Variants in AMPD3 observed in about 807,000 individuals in gnomAD.
AMPD3 encodes AMP deaminase 3.
A neutral mutation model predicts 82.3 loss-of-function variants in AMPD3; 57 were observed. That is an observed-to-expected ratio of 0.69 (90% confidence interval 0.56 to 0.86). AMPD3 has a LOEUF of 0.86. AMPD3 is among the 40% of genes least tolerant of loss of function. The probability of loss-of-function intolerance (pLI) is 0.00; values close to 1 mark genes in which losing one functional copy is unlikely to be tolerated. For synonymous variants in AMPD3, 381 were observed against 394.7 expected, an observed-to-expected ratio of 0.97 and a Z score of 0.41; for missense variants, 870 against 1,003.8, an observed-to-expected ratio of 0.87 and a Z score of 1.80.
intron 14 of AMPD3, chr11:10,504,977 T>C (rs1297388689): frequency 3.2e-6 from 1 of 309,584 alleles, no homozygotes; most frequent in Non-Finnish European, 4.7e-6. Flanking sequence ...AGTTATGTGT[T>C]TTTCTGTCTT....
intron 6 of AMPD3, among the ~76,000 whole-genome samples, chr11:10,492,157 G>A (rs1211778921): frequency 6.6e-6 from 1 of 152,236 alleles, no homozygotes; most frequent in Non-Finnish European, 1.5e-5. Flanking sequence ...CCCATGAGGT[G>A]TTTTGAGACC....
chr11:10,488,183 A>G (rs904453190), intron 6 of AMPD3: 2 of 985,190 alleles, frequency 2.0e-6, no homozygotes, highest in Non-Finnish European at 2.4e-6. Context: ...AGGGGCCGCA[A>G]CTGCGGTAGG....
intron 9 of AMPD3, chr11:10,496,276 C>T (rs930568837): frequency 7.1e-6 from 7 of 985,262 alleles, no homozygotes; most frequent in African/African-American, 5.2e-5. Context: ...GGAACTACTA[C>T]CCCCGCCTTC....
intron 6 of AMPD3, among the ~76,000 whole-genome samples, chr11:10,489,771 C>T (rs188255510): frequency 1.0e-3 from 158 of 152,176 alleles, no homozygotes; most frequent in African/African-American, 3.6e-3. Flanking sequence ...ACCTCAGCCT[C>T]CTGGGTTCAA....
Position 10,506,586 on chromosome 11 carries a change from G to A in AMPD3, c.*702G>A, listed in dbSNP as rs1413729331. The A allele has an allele frequency of 6.5e-6, 1 of 153,294 alleles. No individual in the cohort carries two copies. Among genetic ancestry groups the A allele is most frequent in the Non-Finnish European group, 1.5e-5 (1 of 68,596 alleles). The allele number at this position is 153,294 out of a possible 1,614,324, so 9.5% of individuals were successfully genotyped here. A position where few individuals can be genotyped will look rare whatever the true frequency, so the allele number is the denominator to read the frequency against. ...CATGAATACTTTAGGGTAGGGGAGG[G>A]AAGGGAGTGAGTGATGCTCAGGGGC... On this transcript the variant is annotated 3_prime_UTR_variant, in exon 15 of 15. Coordinates refer to ENST00000396553, the MANE Select transcript of AMPD3 (RefSeq NM_001025389.2). The surrounding 1 kb of genome is among the most constrained non-coding windows in gnomAD (Gnocchi z 4.1).
chr11:10,455,181 G>T, upstream of AMPD3: 10 of 985,410 alleles, frequency 1.0e-5, no homozygotes, highest in Non-Finnish European at 1.1e-5. Context: ...CACAGAAATA[G>T]CCATTTTGCT....
intron 2 of AMPD3, among the ~76,000 whole-genome samples, chr11:10,462,857 A>G (rs1420712193): frequency 2.0e-5 from 3 of 152,192 alleles, no homozygotes; most frequent in Non-Finnish European, 2.9e-5. Flanking sequence ...CCTTCCAGAT[A>G]GAAGAATCAG....
intron 2 of AMPD3, among the ~76,000 whole-genome samples, chr11:10,475,652 G>T (rs911245639): frequency 6.6e-6 from 1 of 152,166 alleles, no homozygotes; most frequent in African/African-American, 2.4e-5. Flanking sequence ...AGATAGGGGG[G>T]TTATTGGTAG....
intron 1 of AMPD3, among the ~76,000 whole-genome samples, chr11:10,459,057 T>TC (rs918261247): frequency 2.6e-5 from 4 of 151,974 alleles, no homozygotes; most frequent in Admixed American, 2.0e-4. Flanking sequence ...GCCTCCAGCT[T>TC]CCCCCCTCTC....
chr11:10,493,440 C>A lies in AMPD3; in HGVS notation c.1031C>A (p.Thr344Asn). 6.2e-7 allele frequency: 1 copy of A among 1,614,252 alleles called. No individual in the cohort carries two copies. The highest frequency in any genetic ancestry group is 8.5e-7 in the Non-Finnish European group (1 of 1,180,048). Residue 344 changes from threonine (T) to asparagine (N), a missense_variant, in exon 7 of 15, where the codon ACT (threonine) becomes AAT (asparagine). Physicochemically the swap from Thr to Asn is moderately conservative, Grantham distance 65. Transcript: ENST00000396553. Reference protein sequence around the residue: ...KHTYQTEPDRTVAEKRGRKIT... With the variant: ...KHTYQTEPDRNVAEKRGRKIT... ...ACATACCAGACGGAGCCTGACAGGACTGTGGCAGAGAAGCGGGGCCGGAAG... is the reference window on the plus strand; with the variant it reads ...ACATACCAGACGGAGCCTGACAGGAATGTGGCAGAGAAGCGGGGCCGGAAG...
At chr11:10,471,095 G>A (rs1030962128) in intron 2 of AMPD3, among the ~76,000 whole-genome samples, 3 of 152,162 alleles carry the variant, frequency 2.0e-5, no homozygotes, top group Non-Finnish European at 2.9e-5. Flanking sequence ...AAACAGCCTG[G>A]TACTGGTACC....
chr11:10,457,312 T>G (rs1258559185), intron 1 of AMPD3, among the ~76,000 whole-genome samples: 1 of 152,084 alleles, frequency 6.6e-6, no homozygotes, highest in East Asian at 1.9e-4. Flanking sequence ...TTTAAGACAC[T>G]GGTAGTAGTT....
chr11:10,500,603 A>G, intron 11 of AMPD3: 1 of 985,452 alleles, frequency 1.0e-6, no homozygotes. Flanking sequence ...AGATAATGGA[A>G]GCATAGGACA....
rs1461056607 is a variant in AMPD3, at chr11:10,456,020, C to T, written c.-6+572C>T. On this transcript the variant is annotated intron_variant, in intron 1 of 14. Transcript: ENST00000396553. The surrounding 1 kb of genome is among the most constrained non-coding windows in gnomAD (Gnocchi z 4.3). ...TATCTCCTGCAGCTGGGCAGGACGG[C>T]TGAGTTTACTGTTGTAAAGAGGAAG... The T allele has an allele frequency of 1.2e-5, 12 of 985,372 alleles. No individual in the cohort carries two copies. Among genetic ancestry groups the T allele is most frequent in the Non-Finnish European group, 1.4e-5 (12 of 829,930 alleles). 61.0% of individuals were successfully genotyped at this position (985,372 alleles called of 1,614,324 possible).
intron 2 of AMPD3, among the ~76,000 whole-genome samples, chr11:10,464,249 T>A (rs984553614): frequency 5.3e-5 from 8 of 152,234 alleles, no homozygotes; most frequent in African/African-American, 1.7e-4. Context: ...TACTATGGGC[T>A]AAGTACTAGC....
upstream of AMPD3, chr11:10,450,659 G>GCCCT: frequency 9.8e-7 from 1 of 1,017,056 alleles, no homozygotes; most frequent in Non-Finnish European, 1.2e-6. Context: ...CCGGCCAAGG[G>GCCCT]CCCTGGCGGC....
At chr11:10,455,145 T>C (rs1848055349), upstream of AMPD3, 1 of 985,358 alleles carries the variant, frequency 1.0e-6, no homozygotes, top group Non-Finnish European at 1.2e-6. Context: ...CTTCCTGAGC[T>C]CTTCTCCCCA....
At chr11:10,481,910 A>T in intron 3 of AMPD3, 153 bp from the exon 4 acceptor site, 1 of 879,760 alleles carries the variant, frequency 1.1e-6, no homozygotes, top group Non-Finnish European at 1.9e-6. Flanking sequence ...AGGTGCAATG[A>T]ACCACTCTTA....
chr11:10,452,984 C>G (rs1231022325), upstream of AMPD3, among the ~76,000 whole-genome samples: 1 of 152,214 alleles, frequency 6.6e-6, no homozygotes, highest in Non-Finnish European at 1.5e-5. Flanking sequence ...GAGTCTCACT[C>G]TGTCACCCAG....
Sources: gnomAD v4.1 joint callset for allele counts (sites outside exome capture counted in the v4.1 genomes callset) on GRCh38, gnomAD v4.1.1 for gene constraint, Gnocchi (gnomAD v3.1) non-coding constraint, MANE v1.5 for transcripts, NCBI Gene and HGNC (gene_info 2026-07-23, HGNC 2026-07-21) for gene names.